KIAA1217: variants seen among roughly 807,000 people sequenced by gnomAD.
The protein encoded by KIAA1217 is KIAA1217, also known as sickle tail protein homolog.
A neutral mutation model predicts 163.9 loss-of-function variants in KIAA1217; 88 were observed. That is an observed-to-expected ratio of 0.54 (90% CI 0.45 to 0.64). The LOEUF is 0.64. KIAA1217 is among the 30% of genes least tolerant of loss of function. The pLI is 0.00. For missense variants in KIAA1217, 2,372 were observed against 2,475.0 expected (o/e 0.96, Z 0.88); for synonymous variants, 903 against 923.1 (o/e 0.98, Z 0.39).
At chr10:24,080,829 G>C (rs12774923) in intron 2 of KIAA1217, among the ~76,000 whole-genome samples, 1 of 143,004 alleles carries the variant, frequency 7.0e-6, no homozygotes, top group Non-Finnish European at 1.5e-5. Flanking sequence ...TGTTTTTTCA[G>C]ATTGAAAACA....
At chr10:23,732,938 C>A (rs2130791871) in intron 1 of KIAA1217, among the ~76,000 whole-genome samples, 1 of 152,154 alleles carries the variant, frequency 6.6e-6, no homozygotes, top group Middle Eastern at 3.4e-3. Context: ...TGGAGAGATA[C>A]ATGATGATTT....
At chr10:24,269,549 A>G (rs2076576263) in intron 2 of KIAA1217, among the ~76,000 whole-genome samples, 1 of 152,182 alleles carries the variant, frequency 6.6e-6, no homozygotes, top group Non-Finnish European at 1.5e-5. Flanking sequence ...TGCTTTAAAC[A>G]TTCATCAAAA....
chr10:23,822,643 G>A (rs369925287), intron 1 of KIAA1217, among the ~76,000 whole-genome samples: 70 of 152,274 alleles, frequency 4.6e-4, no homozygotes, highest in African/African-American at 1.7e-3. Context: ...TCAGATTGGG[G>A]TAATTGTACT....
chr10:24,118,228 C>G (rs1172887871), intron 2 of KIAA1217, among the ~76,000 whole-genome samples: 2 of 151,716 alleles, frequency 1.3e-5, no homozygotes, highest in Non-Finnish European at 1.5e-5. Flanking sequence ...GTGCATTTCT[C>G]TGGTCCTGAG....
At chr10:23,729,211 T>C (rs1272791652) in intron 1 of KIAA1217, among the ~76,000 whole-genome samples, 32 of 152,242 alleles carry the variant, frequency 2.1e-4, no homozygotes, top group Non-Finnish European at 2.9e-5. Flanking sequence ...GAAGGACATC[T>C]GGTTGTTTCC....
intron 2 of KIAA1217, among the ~76,000 whole-genome samples, chr10:24,104,538 A>T (rs2062546171): frequency 6.6e-6 from 1 of 152,224 alleles, no homozygotes; most frequent in African/African-American, 2.4e-5. Flanking sequence ...TAGGTGGAGC[A>T]CAGAGGATTT....
chr10:23,889,270 C>A (rs751489241), intron 1 of KIAA1217, among the ~76,000 whole-genome samples: 15 of 151,838 alleles, frequency 9.9e-5, no homozygotes, highest in Admixed American at 2.0e-4. Flanking sequence ...ACGCTCCTAC[C>A]TGAAATGTAT....
chr10:24,526,549 T>C (rs2072219490), intron 13 of KIAA1217, among the ~76,000 whole-genome samples: 1 of 152,186 alleles, frequency 6.6e-6, no homozygotes, highest in South Asian at 2.1e-4. Context: ...ATAGTTATCA[T>C]TGTGATGTGT....
At chr10:24,413,857 C>A (rs1220107553) in intron 3 of KIAA1217, among the ~76,000 whole-genome samples, 6 of 152,154 alleles carry the variant, frequency 3.9e-5, no homozygotes, top group African/African-American at 1.4e-4. Flanking sequence ...CTAGTCCCCA[C>A]ACCCTGTTTT....
chr10:24,108,715 T>A (rs57114437), intron 2 of KIAA1217, among the ~76,000 whole-genome samples: 4,857 of 152,272 alleles, frequency 0.032, 252 homozygotes, highest in African/African-American at 0.11. Flanking sequence ...GTCTATTCAA[T>A]CATGCCAAGA....
chr10:24,354,819 G>T (rs978027878), intron 2 of KIAA1217, among the ~76,000 whole-genome samples: 10 of 152,154 alleles, frequency 6.6e-5, no homozygotes, highest in African/African-American at 2.4e-4. Flanking sequence ...ACAGGATAGG[G>T]AGGCATGGCA....
chr10:23,834,135 C>T (rs1838339605), intron 1 of KIAA1217, among the ~76,000 whole-genome samples: 1 of 152,112 alleles, frequency 6.6e-6, no homozygotes, highest in Non-Finnish European at 1.5e-5. Flanking sequence ...GATTCATAGG[C>T]TCATTTTGAG....
intron 2 of KIAA1217, among the ~76,000 whole-genome samples, chr10:24,156,346 A>G (rs914390362): frequency 1.3e-5 from 2 of 152,148 alleles, no homozygotes; most frequent in Non-Finnish European, 2.9e-5. Context: ...TGGATATGCC[A>G]TGATCTGTTT....
intron 2 of KIAA1217, among the ~76,000 whole-genome samples, chr10:24,320,756 CAG>C (rs2044028291): frequency 6.6e-6 from 1 of 152,116 alleles, no homozygotes; most frequent in Non-Finnish European, 1.5e-5. Flanking sequence ...TTAAAAGCTA[CAG>C]AGAGGCCGGG....
chr10:23,904,231 G>T (rs1842061862), intron 1 of KIAA1217, among the ~76,000 whole-genome samples: 1 of 152,130 alleles, frequency 6.6e-6, no homozygotes, highest in Non-Finnish European at 1.5e-5. Context: ...AATAATATCA[G>T]AAACACAGTG....
intron 1 of KIAA1217, among the ~76,000 whole-genome samples, chr10:23,840,264 T>G (rs1838708024): frequency 6.6e-6 from 1 of 152,110 alleles, no homozygotes. Context: ...CAAGCAATTC[T>G]TCTGCCTCAG....
At chr10:24,519,975 AC>A (rs1200953397) in intron 10 of KIAA1217, 147 bp from the exon 11 acceptor site, 29 of 827,948 alleles carry the variant, frequency 3.5e-5, no homozygotes, top group Non-Finnish European at 4.7e-5. Flanking sequence ...AAGATGAGCG[AC>A]CCCCCTCCAC....
chr10:23,855,298 T>A (rs1172846319), intron 1 of KIAA1217, among the ~76,000 whole-genome samples: 1 of 152,174 alleles, frequency 6.6e-6, no homozygotes, highest in African/African-American at 2.4e-5. Flanking sequence ...GGATATGAAA[T>A]TCTGGGTTGA....
At chr10:24,220,468 T>A (rs867395983) in intron 2 of KIAA1217, among the ~76,000 whole-genome samples, 1 of 134,136 alleles carries the variant, frequency 7.5e-6, no homozygotes, top group East Asian at 2.2e-4. Context: ...TTTTTTTTTT[T>A]TTTTGAGATG....
Sources: allele counts gnomAD v4.1 joint callset (sites outside exome capture counted in the v4.1 genomes callset), GRCh38; gene constraint gnomAD v4.1.1; transcripts MANE v1.5; gene names NCBI Gene and HGNC (gene_info 2026-07-23, HGNC 2026-07-21).